Variants in EZH2 observed in about 807,000 individuals in gnomAD.
EZH2 encodes the protein enhancer of zeste 2 polycomb repressive complex 2 subunit, also known as histone-lysine N-methyltransferase EZH2.
Under a neutral mutation model 98.4 loss-of-function variants are expected in EZH2, and 18 were observed. That is an observed-to-expected ratio of 0.18 (90% CI 0.13 to 0.27). The LOEUF is 0.27. EZH2 is among the 10% of genes least tolerant of loss of function. The pLI, the probability that EZH2 is intolerant of heterozygous loss-of-function variation, is 1.00. For synonymous variants in EZH2, 338 were observed against 312.3 expected (o/e 1.08, Z -0.87); for missense variants, 470 against 935.1 (o/e 0.50, Z 6.49).
Position 148,809,410 on chromosome 7 carries a change from C to T in EZH2, c.2030-20G>A, listed in dbSNP as rs781331835. The T allele has an allele frequency of 1.1e-5, 17 of 1,574,104 alleles. No homozygotes were observed. The highest frequency in any genetic ancestry group is 2.7e-5 in the African/African-American group (2 of 74,240). On this transcript the variant is annotated intron_variant, in intron 17 of 19. Coordinates refer to ENST00000320356, the MANE Select transcript of EZH2 (RefSeq NM_004456.5). ...CAAAATCTAAAAAGAAAAAAGTAAG[C>T]ACAGCCCAGTGAATAATTTCAGTTA...
At position 148,817,831 on chromosome 7, in the gene EZH2, C is replaced by G. The variant is rs200336498; in HGVS notation, c.1240+46G>C. On this transcript the variant is annotated intron_variant, in intron 10 of 19. Transcript: ENST00000320356. ...TTATACATCCTTAATCCTCACAACA[C>G]GAACTTTCACAGAACAGTAAAACCC... 15 of 1,613,204 alleles carry G rather than the reference C, an allele frequency of 9.3e-6. No homozygotes were observed. The Admixed American group carries it at 1.2e-4, about 13-fold the overall frequency.
intron 3 of EZH2, among the ~76,000 whole-genome samples, chr7:148,842,231 T>C (rs3779037): frequency 0.75 from 114,660 of 152,132 alleles, 44,281 homozygotes; most frequent in African/African-American, 0.94. Flanking sequence ...CTAAGCAAAC[T>C]TCTCTTTCAG....
At chr7:148,809,258 AT>A in intron 18 of EZH2, 51 bp downstream of exon 18, 1 of 1,583,386 alleles carries the variant, frequency 6.3e-7, no homozygotes, top group Non-Finnish European at 8.7e-7. Flanking sequence ...ATTCAAGTCC[AT>A]CATCACAGGA....
rs574464754 is a variant in EZH2 at position 148,868,033 on chromosome 7, T to C, written c.-8+16131A>G. On this transcript the variant is annotated intron_variant, in intron 1 of 19. Transcript: ENST00000320356. ...CTAGCCATCTCTGTCCATATCACTA[T>C]CAGCATTTTGGTCAAAACCATTCAA... 2.6e-5 allele frequency among the ~76,000 whole-genome samples: 4 copies of C among 152,318 alleles called. No homozygotes were observed. In the East Asian group the frequency reaches 5.8e-4, roughly 22 times the overall value.
chr7:148,851,712 A>G (rs184999249), intron 1 of EZH2, among the ~76,000 whole-genome samples: 115 of 152,280 alleles, frequency 7.6e-4, no homozygotes, highest in African/African-American at 2.7e-3. Context: ...TCAATAAATA[A>G]GCAAGCAAGC....
chr7:148,827,360 C>G, intron 6 of EZH2, 94 bp from the exon 7 acceptor site: 1 of 860,286 alleles, frequency 1.2e-6, no homozygotes, highest in South Asian at 1.8e-5. Flanking sequence ...TATAACAAAG[C>G]TGATTTTCTA....
chr7:148,812,230 C>G (rs576172395), intron 15 of EZH2, among the ~76,000 whole-genome samples: 2 of 152,188 alleles, frequency 1.3e-5, no homozygotes, highest in Non-Finnish European at 2.9e-5. Context: ...AGCAGCTTGG[C>G]TTTGGATTTG....
chr7:148,881,139 A>C (rs1820900165), intron 1 of EZH2, among the ~76,000 whole-genome samples: 1 of 152,276 alleles, frequency 6.6e-6, no homozygotes, highest in Non-Finnish European at 1.5e-5. Context: ...TACTGATATA[A>C]AGACTTCAAG....
intron 8 of EZH2, among the ~76,000 whole-genome samples, chr7:148,819,978 C>T (rs1321428522): frequency 6.6e-6 from 1 of 152,178 alleles, no homozygotes; most frequent in Non-Finnish European, 1.5e-5. Flanking sequence ...TGGTTATAAA[C>T]ATTTACTTAA....
intron 8 of EZH2, among the ~76,000 whole-genome samples, chr7:148,821,976 C>T (rs925795539): frequency 1.3e-5 from 2 of 152,118 alleles, no homozygotes; most frequent in African/African-American, 2.4e-5. Flanking sequence ...CATATGGCAA[C>T]AGGCAATGAA....
chr7:148,835,663 G>A (rs142276747), intron 3 of EZH2, among the ~76,000 whole-genome samples: 544 of 151,906 alleles, frequency 3.6e-3, no homozygotes, highest in African/African-American at 0.012. Flanking sequence ...AAAAAATTCC[G>A]ATTTTTTTAA....
chr7:148,853,493 C>A (rs1816236830), intron 1 of EZH2, among the ~76,000 whole-genome samples: 2 of 152,174 alleles, frequency 1.3e-5, no homozygotes, highest in Non-Finnish European at 2.9e-5. Flanking sequence ...GTTCACGCTT[C>A]CGTGAGAATC....
At chr7:148,812,626 C>T (rs186239458) in intron 15 of EZH2, among the ~76,000 whole-genome samples, 47 of 152,226 alleles carry the variant, frequency 3.1e-4, no homozygotes, top group Admixed American at 2.4e-3. Flanking sequence ...AAATGTCTTA[C>T]AAAGAGGACA....
intron 1 of EZH2, among the ~76,000 whole-genome samples, chr7:148,860,371 T>C (rs953744472): frequency 9.3e-5 from 14 of 151,274 alleles, no homozygotes; most frequent in African/African-American, 3.4e-4. Flanking sequence ...AATTAAAAAC[T>C]AAGTCTAAAA....
At chr7:148,832,902 T>C (rs981526023) in intron 3 of EZH2, 152 bp from the exon 4 acceptor site, 4 of 464,216 alleles carry the variant, frequency 8.6e-6, no homozygotes, top group African/African-American at 7.7e-5. Flanking sequence ...ATAAACCAAA[T>C]AGGATTCTCT....
rs776551605 is a variant in EZH2 at position 148,816,902 on chromosome 7, A to AAC, written c.1411-126_1411-125dup. The AAC allele has an allele frequency of 1.9e-4, 136 of 713,982 alleles. 1 individual carries two copies. Among genetic ancestry groups the AAC allele is most frequent in the Non-Finnish European group, 2.6e-4 (106 of 402,492 alleles). 44.2% of individuals were successfully genotyped at this position (713,982 alleles called of 1,614,324 possible). On this transcript the variant is annotated intron_variant, in intron 11 of 19. Coordinates refer to ENST00000320356, the MANE Select transcript of EZH2 (RefSeq NM_004456.5). ...TGACACTGCTAGATGCTGGGGATAT[A>AAC]ACACACATCGCTGTCCCTACCCTCA...
intron 11 of EZH2, 136 bp downstream of exon 11, chr7:148,817,086 G>A: frequency 2.4e-6 from 2 of 820,210 alleles, no homozygotes; most frequent in Non-Finnish European, 3.6e-6. Context: ...TTCCCTCTTG[G>A]GAAGAAAAAA....
At chr7:148,855,855 G>A (rs188283003) in intron 1 of EZH2, among the ~76,000 whole-genome samples, 12 of 130,238 alleles carry the variant, frequency 9.2e-5, no homozygotes, top group Admixed American at 3.8e-4. Flanking sequence ...CTGAGAACAC[G>A]TCACTGCACT....
chr7:148,870,456 A>T (rs1819188620), intron 1 of EZH2, among the ~76,000 whole-genome samples: 1 of 152,126 alleles, frequency 6.6e-6, no homozygotes, highest in Admixed American at 6.6e-5. Flanking sequence ...TAATCCCAGC[A>T]CCTGGGGACT....
Sources: gnomAD v4.1 joint callset for allele counts (sites outside exome capture counted in the v4.1 genomes callset) on GRCh38, gnomAD v4.1.1 for gene constraint, MANE v1.5 for transcripts, NCBI Gene and HGNC (gene_info 2026-07-23, HGNC 2026-07-21) for gene names.